RAPGEF5: variants seen among roughly 807,000 people sequenced by gnomAD.
The protein encoded by RAPGEF5 is M-Ras-regulated GEF.
A neutral mutation model predicts 125.2 loss-of-function variants in RAPGEF5; 65 were observed. The observed-to-expected ratio is 0.52, with a 90% CI of 0.43 to 0.64. The LOEUF (loss-of-function observed/expected upper bound fraction) is 0.64. Among genes scored for constraint, RAPGEF5 ranks in the 30% least tolerant of loss-of-function variants. The pLI is 0.00. For synonymous variants in RAPGEF5, 391 were observed against 385.9 expected, an observed-to-expected ratio of 1.01 and a Z score of -0.16; for missense variants, 958 against 1,048.1, an observed-to-expected ratio of 0.91 and a Z score of 1.19.
At chr7:22,198,582 T>A (rs1785205562) in intron 9 of RAPGEF5, among the ~76,000 whole-genome samples, 2 of 152,204 alleles carry the variant, frequency 1.3e-5, no homozygotes, top group Admixed American at 6.5e-5. Context: ...ATACCTAATA[T>A]AATTTTATTC....
intron 7 of RAPGEF5, among the ~76,000 whole-genome samples, chr7:22,242,040 G>A (rs1009114686): frequency 6.6e-6 from 1 of 152,158 alleles, no homozygotes. Flanking sequence ...TCCCCATATT[G>A]CATCAAGTAG....
chr7:22,255,656 T>C (rs921530398), intron 7 of RAPGEF5, among the ~76,000 whole-genome samples: 23 of 152,138 alleles, frequency 1.5e-4, no homozygotes, highest in African/African-American at 5.6e-4. Flanking sequence ...TGATATATCA[T>C]ATATATTGTA....
intron 1 of RAPGEF5, among the ~76,000 whole-genome samples, chr7:22,355,225 A>G (rs1784399475): frequency 6.6e-6 from 1 of 152,254 alleles, no homozygotes; most frequent in East Asian, 1.9e-4. Context: ...CATTCAGAGT[A>G]ATTAAAAAAT....
At chr7:22,289,400 T>C (rs1782877680) in intron 6 of RAPGEF5, among the ~76,000 whole-genome samples, 1 of 152,266 alleles carries the variant, frequency 6.6e-6, no homozygotes, top group South Asian at 2.1e-4. Flanking sequence ...GGCAAGCTAC[T>C]CAAACTCTGT....
intron 5 of RAPGEF5, among the ~76,000 whole-genome samples, chr7:22,307,269 C>T (rs1001800120): frequency 6.6e-6 from 1 of 152,140 alleles, no homozygotes; most frequent in Non-Finnish European, 1.5e-5. Flanking sequence ...TCTTTCACTT[C>T]TCTGGTTAGT....
chr7:22,330,517 A>T (rs73683350), intron 1 of RAPGEF5, among the ~76,000 whole-genome samples: 16,483 of 152,248 alleles, frequency 0.11, 917 homozygotes, highest in Non-Finnish European at 0.12. Flanking sequence ...TAAAGGATAC[A>T]AACTAGGCTC....
At chr7:22,124,660 G>T (rs1782681797) in intron 25 of RAPGEF5, among the ~76,000 whole-genome samples, 2 of 152,138 alleles carry the variant, frequency 1.3e-5, no homozygotes, top group South Asian at 4.1e-4. Context: ...CTTCTATATT[G>T]TTGAAAAAAT....
At chr7:22,194,661 C>T in intron 9 of RAPGEF5, 1 of 985,070 alleles carries the variant, frequency 1.0e-6, no homozygotes, top group Non-Finnish European at 1.2e-6. Context: ...AAAAATGGAT[C>T]TCTAGTTAGA....
At chr7:22,356,276 A>G (rs1036839861) in intron 1 of RAPGEF5, 2 of 983,792 alleles carry the variant, frequency 2.0e-6, no homozygotes, top group African/African-American at 3.5e-5. Context: ...GTCCAGGAGT[A>G]TTAAGTGCTG....
intron 9 of RAPGEF5, among the ~76,000 whole-genome samples, chr7:22,200,009 A>G (rs975052119): frequency 2.0e-5 from 3 of 152,204 alleles, no homozygotes; most frequent in Non-Finnish European, 4.4e-5. Context: ...ACTAATCTTG[A>G]TTCCACTTTT....
chr7:22,191,787 C>A, intron 11 of RAPGEF5: 2 of 400,062 alleles, frequency 5.0e-6, no homozygotes, highest in African/African-American at 2.1e-5. Flanking sequence ...AGCACCTGAG[C>A]CATTTTCTCA....
At chr7:22,286,206 T>C (rs1174827743) in intron 6 of RAPGEF5, among the ~76,000 whole-genome samples, 1 of 152,204 alleles carries the variant, frequency 6.6e-6, no homozygotes, top group Non-Finnish European at 1.5e-5. Flanking sequence ...TTCCAGACAC[T>C]CAGACTCTCT....
intron 5 of RAPGEF5, among the ~76,000 whole-genome samples, chr7:22,302,774 AC>A (rs1471024693): frequency 1.3e-5 from 1 of 77,288 alleles, no homozygotes; most frequent in Admixed American, 1.4e-4. Context: ...CCCCCACCCC[AC>A]CCCCGCCTTT....
chr7:22,352,511 T>A (rs888346764), intron 1 of RAPGEF5, among the ~76,000 whole-genome samples: 1 of 152,166 alleles, frequency 6.6e-6, no homozygotes, highest in African/African-American at 2.4e-5. Flanking sequence ...TAGAATATCT[T>A]GCGTCAGAAA....
At chr7:22,207,027 G>A (rs1475000855) in intron 9 of RAPGEF5, among the ~76,000 whole-genome samples, 4 of 152,096 alleles carry the variant, frequency 2.6e-5, no homozygotes, top group African/African-American at 4.8e-5. Context: ...GATATAAGTC[G>A]CAAATATTCA....
chr7:22,158,107 T>C (rs6959894), intron 14 of RAPGEF5, among the ~76,000 whole-genome samples: 19,168 of 152,248 alleles, frequency 0.13, 1,273 homozygotes, highest in South Asian at 0.17. Context: ...ACAGATGTAC[T>C]TTGCCTTCTA....
At chr7:22,122,642 TC>T (rs1380155915) in intron 25 of RAPGEF5, 121 bp from the exon 26 acceptor site, 1 of 692,146 alleles carries the variant, frequency 1.4e-6, no homozygotes. Flanking sequence ...TTAGTCAGAA[TC>T]CCATAAGAGG....
At chr7:22,143,995 TA>T (rs1404669935) in intron 20 of RAPGEF5, among the ~76,000 whole-genome samples, 1 of 152,226 alleles carries the variant, frequency 6.6e-6, no homozygotes, top group Non-Finnish European at 1.5e-5. Flanking sequence ...CTGTTTGATA[TA>T]AAAACTACTT....
In RAPGEF5 at chr7:22,355,194, A is replaced by G. The variant is rs199981138; in HGVS notation, c.231+1636T>C. On this transcript the variant is annotated intron_variant, in intron 1 of 25. Transcript: ENST00000665637. Reference sequence around the variant, plus strand: ...TAGAATCAAAGAGGGTTAATAAAGCATACATTATCTGAGGTAACCACATTC... The same window carrying G: ...TAGAATCAAAGAGGGTTAATAAAGCGTACATTATCTGAGGTAACCACATTC... Among the ~76,000 whole-genome samples the G allele has an allele frequency of 3.1e-4, 48 of 152,382 alleles. No homozygotes were observed. In the East Asian group the frequency reaches 8.5e-3, roughly 27 times the overall value.
Sources: gnomAD v4.1 joint callset for allele counts (sites outside exome capture counted in the v4.1 genomes callset) on GRCh38, gnomAD v4.1.1 for gene constraint, MANE v1.5 for transcripts, NCBI Gene and HGNC (gene_info 2026-07-23, HGNC 2026-07-21) for gene names.